TRIM14: variants seen among roughly 807,000 people sequenced by gnomAD.
The protein encoded by TRIM14 is tripartite motif containing 14.
In TRIM14, 28 loss-of-function variants were observed where a neutral mutation model predicts 44.5. The observed-to-expected ratio is 0.63, with a 90% CI of 0.47 to 0.86. The LOEUF (loss-of-function observed/expected upper bound fraction) is 0.86. TRIM14 is among the 40% of genes least tolerant of loss of function. TRIM14 has a pLI of 0.00. For missense variants in TRIM14, 607 were observed against 611.1 expected, an observed-to-expected ratio of 0.99 and a Z score of 0.07; for synonymous variants, 299 against 269.2, an observed-to-expected ratio of 1.11 and a Z score of -1.08.
chr9:98,063,183 C>T, the TRIM14 span, among the ~76,000 whole-genome samples: 17 of 152,122 alleles, frequency 1.1e-4, no homozygotes, highest in Admixed American at 8.5e-4. Context: ...CCGCCCCAGC[C>T]TCCCAAAGGT....
chr9:98,092,215 A>G (rs1826020628), intron 4 of TRIM14, among the ~76,000 whole-genome samples: 1 of 152,202 alleles, frequency 6.6e-6, no homozygotes, highest in African/African-American at 2.4e-5. Flanking sequence ...TGAGGCGCGA[A>G]CAACTACTGG....
chr9:98,059,445 C>T, the TRIM14 span, among the ~76,000 whole-genome samples: 1 of 152,102 alleles, frequency 6.6e-6, no homozygotes, highest in Non-Finnish European at 1.5e-5. Context: ...GTCAAGGTCT[C>T]ACTCTGTTGC....
chr9:98,073,441 C>T lies in TRIM14; in HGVS notation c.*29-3754G>A, dbSNP rs575813260. On this transcript the variant is annotated intron_variant, in intron 6 of 6. Coordinates refer to the TRIM14 transcript ENST00000375098. ...CTGGGATTACAGACACACACCAACA[C>T]GCCGGGCTAATTTTTGTATTTTTAG... 4.6e-5 allele frequency among the ~76,000 whole-genome samples: 7 copies of T among 151,762 alleles called. No individual in the cohort carries two copies. In the South Asian group the frequency reaches 8.3e-4, roughly 18 times the overall value.
intron 2 of TRIM14, among the ~76,000 whole-genome samples, chr9:98,100,959 A>G (rs913374491): frequency 8.5e-5 from 13 of 152,220 alleles, no homozygotes; most frequent in African/African-American, 1.4e-4. Flanking sequence ...GAAATACAAA[A>G]CAATTTTTAT....
At chr9:98,100,660 A>G (rs1826357093) in intron 2 of TRIM14, among the ~76,000 whole-genome samples, 1 of 152,206 alleles carries the variant, frequency 6.6e-6, no homozygotes, top group Admixed American at 6.5e-5. Context: ...ATAAATCTAC[A>G]GGATCTAAAA....
rs1189068836 is a variant in TRIM14 at position 98,095,554 on chromosome 9, G to T, written c.538-525C>A. Among the ~76,000 whole-genome samples, 1 of 152,218 alleles carries T rather than the reference G, an allele frequency of 6.6e-6. No individual in the cohort carries two copies. Among genetic ancestry groups the T allele is most frequent in the East Asian group, 1.9e-4 (1 of 5,190 alleles). Reference sequence around the variant, plus strand: ...TTCAGCTGCAGTGCTGACTGAGGGGGTGTGGCCACCGCAGGGGACATGTGT... The same window carrying T: ...TTCAGCTGCAGTGCTGACTGAGGGGTTGTGGCCACCGCAGGGGACATGTGT... On this transcript the variant is annotated intron_variant, in intron 3 of 5. Coordinates refer to ENST00000341469, the MANE Select transcript of TRIM14 (RefSeq NM_014788.4). This position sits in a 1 kb window ranked among gnomAD's most constrained non-coding sequence, Gnocchi z 4.1.
chr9:98,082,724 C>G (rs931135796), downstream of TRIM14: 1 of 827,740 alleles, frequency 1.2e-6, no homozygotes, highest in Non-Finnish European at 1.9e-6. Context: ...TAGGGGGCAA[C>G]AGAGTGCCTG....
chr9:98,081,334 T>G (rs1010447394), downstream of TRIM14: 1 of 529,264 alleles, frequency 1.9e-6, no homozygotes, highest in Non-Finnish European at 3.4e-6. Context: ...CACATTAGAG[T>G]CTTCCACTAA....
At chr9:98,107,319 G>A (rs984914372) in intron 2 of TRIM14, among the ~76,000 whole-genome samples, 3 of 152,152 alleles carry the variant, frequency 2.0e-5, no homozygotes, top group Non-Finnish European at 4.4e-5. Flanking sequence ...ACTTATGTCC[G>A]CACAGAAACC....
chr9:98,072,623 G>A (rs1006475273), intron 6 of TRIM14, among the ~76,000 whole-genome samples: 1 of 151,956 alleles, frequency 6.6e-6, no homozygotes, highest in Non-Finnish European at 1.5e-5. Context: ...GTTGGCCAGG[G>A]TGGTCTTGAA....
chr9:98,055,383 G>A, the TRIM14 span, among the ~76,000 whole-genome samples: 3 of 152,266 alleles, frequency 2.0e-5, no homozygotes, highest in African/African-American at 7.2e-5. Flanking sequence ...CAGGAGTGCT[G>A]ATTGGTTGTG....
chr9:98,063,710 T>TA, the TRIM14 span, among the ~76,000 whole-genome samples: 20 of 150,292 alleles, frequency 1.3e-4, no homozygotes, highest in Admixed American at 2.0e-4. Flanking sequence ...CTTGGCTAAT[T>TA]AAAAAAAAAA....
chr9:98,073,750 G>T (rs1829459020), intron 6 of TRIM14, among the ~76,000 whole-genome samples: 1 of 151,938 alleles, frequency 6.6e-6, no homozygotes, highest in Non-Finnish European at 1.5e-5. Flanking sequence ...GGTTCTGTGG[G>T]CACGTGTTGT....
At chr9:98,116,886 A>C (rs1021789992) in intron 1 of TRIM14, among the ~76,000 whole-genome samples, 2 of 152,036 alleles carry the variant, frequency 1.3e-5, no homozygotes, top group African/African-American at 4.8e-5. Flanking sequence ...ATTCCTTATG[A>C]AAGTTCCAAT....
intron 1 of TRIM14, among the ~76,000 whole-genome samples, chr9:98,117,313 TTTAA>T (rs1424230865): frequency 6.6e-6 from 1 of 151,780 alleles, no homozygotes; most frequent in Non-Finnish European, 1.5e-5. Context: ...TATTTATTTA[TTTAA>T]GACAAAGTCT....
chr9:98,074,491 A>G (rs933658788), intron 6 of TRIM14, among the ~76,000 whole-genome samples: 7 of 152,132 alleles, frequency 4.6e-5, no homozygotes, highest in African/African-American at 1.7e-4. Context: ...CTTAGGGCTG[A>G]AAGTTAGGAT....
chr9:98,097,033 A>C (rs1826211438), intron 3 of TRIM14, among the ~76,000 whole-genome samples: 1 of 152,098 alleles, frequency 6.6e-6, no homozygotes, highest in African/African-American at 2.4e-5. Flanking sequence ...GTCTCTACTA[A>C]AAATACAAAA....
At chr9:98,097,401 T>C (rs762541957) in intron 3 of TRIM14, among the ~76,000 whole-genome samples, 3 of 152,148 alleles carry the variant, frequency 2.0e-5, no homozygotes, top group Non-Finnish European at 4.4e-5. Flanking sequence ...ATGTACACAG[T>C]TCCTGTCTGT....
At chr9:98,092,811 C>T (rs1332953651) in intron 4 of TRIM14, among the ~76,000 whole-genome samples, 1 of 152,232 alleles carries the variant, frequency 6.6e-6, no homozygotes. Flanking sequence ...TACCTCACTT[C>T]TGTTTTCTGT....
Sources: allele counts gnomAD v4.1 joint callset (sites outside exome capture counted in the v4.1 genomes callset), GRCh38; gene constraint gnomAD v4.1.1; non-coding constraint Gnocchi (gnomAD v3.1); transcripts MANE v1.5; gene names NCBI Gene and HGNC (gene_info 2026-07-23, HGNC 2026-07-21).